NEURL1: variants seen among roughly 807,000 people sequenced by gnomAD.
NEURL1 encodes neuralized E3 ubiquitin protein ligase 1.
Under a neutral mutation model 41.2 loss-of-function variants are expected in NEURL1, and 26 were observed. That is an observed-to-expected ratio of 0.63 (90% CI 0.46 to 0.87). The LOEUF is 0.87. Among genes scored for constraint, NEURL1 ranks in the 40% least tolerant of loss-of-function variants. The pLI is 0.00. For missense variants in NEURL1, 761 were observed against 871.1 expected, an observed-to-expected ratio of 0.87 and a Z score of 1.59; for synonymous variants, 400 against 402.3, an observed-to-expected ratio of 0.99 and a Z score of 0.07.
At chr10:103,590,073 C>T (rs1180646643) in intron 5 of NEURL1, 61 bp from the exon 6 acceptor site, 2 of 1,522,574 alleles carry the variant, frequency 1.3e-6, no homozygotes, top group East Asian at 4.5e-5. Context: ...AGCTCTCTTC[C>T]CGTGAATCCA....
At chr10:103,582,020 G>A (rs2035792349) in intron 3 of NEURL1, among the ~76,000 whole-genome samples, 1 of 152,194 alleles carries the variant, frequency 6.6e-6, no homozygotes, top group South Asian at 2.1e-4. Context: ...GACCAGGATA[G>A]CTTGCATCCA....
intron 1 of NEURL1, among the ~76,000 whole-genome samples, chr10:103,533,703 A>G (rs556878448): frequency 2.4e-4 from 37 of 152,032 alleles, no homozygotes; most frequent in African/African-American, 8.9e-4. Flanking sequence ...CACCCGGCTA[A>G]TTTTTTGTAT....
At chr10:103,585,474 A>G (rs998888917) in intron 4 of NEURL1, among the ~76,000 whole-genome samples, 2 of 152,206 alleles carry the variant, frequency 1.3e-5, no homozygotes, top group Non-Finnish European at 2.9e-5. Flanking sequence ...GCCCAGAATC[A>G]GATCAACCCA....
intron 1 of NEURL1, among the ~76,000 whole-genome samples, chr10:103,533,816 T>C (rs567378911): frequency 1.3e-4 from 19 of 151,814 alleles, no homozygotes; most frequent in African/African-American, 4.4e-4. Flanking sequence ...GATTACAGGC[T>C]TGAGCCACCG....
At chr10:103,573,469 G>A (rs968135883) in intron 3 of NEURL1, among the ~76,000 whole-genome samples, 1 of 152,154 alleles carries the variant, frequency 6.6e-6, no homozygotes, top group African/African-American at 2.4e-5. Flanking sequence ...ACAGTAGGGG[G>A]TCAGTGGCTG....
At chr10:103,520,869 T>C (rs553860117) in intron 1 of NEURL1, among the ~76,000 whole-genome samples, 1 of 152,098 alleles carries the variant, frequency 6.6e-6, no homozygotes, top group Non-Finnish European at 1.5e-5. Flanking sequence ...GGATTTGTCT[T>C]ATAGAATGAT....
chr10:103,499,923 C>T (rs897235552), intron 1 of NEURL1, among the ~76,000 whole-genome samples: 6 of 152,224 alleles, frequency 3.9e-5, no homozygotes, highest in Non-Finnish European at 7.3e-5. Flanking sequence ...TACCCTTCCC[C>T]GCTTCAGTCA....
chr10:103,539,127 T>A (rs2034764938), intron 1 of NEURL1, among the ~76,000 whole-genome samples: 1 of 151,712 alleles, frequency 6.6e-6, no homozygotes, highest in Admixed American at 6.6e-5. Context: ...TTGAGCTTTT[T>A]GTAGAGACAG....
chr10:103,532,239 T>A lies in NEURL1; in HGVS notation c.85+37767T>A, dbSNP rs191711864. ...TTGCCCCTGTCAATTCATTAATTGTTTTCTGATTGTTTTGTGTATCCTTTC... is the reference window on the plus strand; with the variant it reads ...TTGCCCCTGTCAATTCATTAATTGTATTCTGATTGTTTTGTGTATCCTTTC... On this transcript the variant is annotated intron_variant, in intron 1 of 5. Coordinates refer to ENST00000369780, the MANE Select transcript of NEURL1 (RefSeq NM_004210.5). 2.4e-3 allele frequency among the ~76,000 whole-genome samples: 373 copies of A among 152,328 alleles called. 6 individuals are homozygous for A. Among genetic ancestry groups the A allele is most frequent in the Non-Finnish European group, 4.0e-4 (27 of 68,022 alleles).
intron 3 of NEURL1, among the ~76,000 whole-genome samples, chr10:103,573,635 C>T (rs2035595120): frequency 6.6e-6 from 1 of 152,086 alleles, no homozygotes; most frequent in Admixed American, 6.5e-5. Context: ...TCTGCCTGAG[C>T]CTCAGGCTTC....
chr10:103,496,433 C>A (rs1417501209), intron 1 of NEURL1, among the ~76,000 whole-genome samples: 5 of 152,146 alleles, frequency 3.3e-5, no homozygotes, highest in South Asian at 4.1e-4. Flanking sequence ...ATGCAAAAAA[C>A]CCCAACAAAA....
chr10:103,519,222 A>G (rs544008899), intron 1 of NEURL1, among the ~76,000 whole-genome samples: 1 of 152,268 alleles, frequency 6.6e-6, no homozygotes, highest in Non-Finnish European at 1.5e-5. Flanking sequence ...ACTCCAGCCT[A>G]GGCAACAGAG....
chr10:103,589,324 CTT>C (rs1259609610), intron 4 of NEURL1, among the ~76,000 whole-genome samples, 188 bp from the exon 5 acceptor site: 2 of 152,220 alleles, frequency 1.3e-5, no homozygotes, highest in East Asian at 3.8e-4. Context: ...GGGTCAAAGT[CTT>C]TAGCTGATTA....
At position 103,494,455 on chromosome 10, in the gene NEURL1, A is replaced by AC; in HGVS notation, c.73dup (p.Gln25ProfsTer112). The AC allele has an allele frequency of 6.3e-7, 1 of 1,589,406 alleles. No individual in the cohort carries two copies. Among genetic ancestry groups the AC allele is most frequent in the Non-Finnish European group, 8.6e-7 (1 of 1,168,264 alleles). ...AACCCGAGCCGCGCGCCGCGGGGCC[A>AC]CCCCCAGAACCTCAAAGGTAGGCTC... On this transcript the variant is annotated frameshift_variant, in exon 1 of 6. Coordinates refer to ENST00000369780, the MANE Select transcript of NEURL1 (RefSeq NM_004210.5). LOFTEE classifies it high-confidence loss of function.
intron 1 of NEURL1, among the ~76,000 whole-genome samples, chr10:103,561,262 CT>C (rs767348574): frequency 0.03 from 4,202 of 141,570 alleles, 49 homozygotes; most frequent in Middle Eastern, 0.036. Flanking sequence ...CTCTGTATTC[CT>C]TTTTTTTTTT....
At chr10:103,559,870 A>C (rs1485113443) in intron 1 of NEURL1, among the ~76,000 whole-genome samples, 1 of 152,030 alleles carries the variant, frequency 6.6e-6, no homozygotes, top group African/African-American at 2.4e-5. Flanking sequence ...GTACATGTAC[A>C]CATACGCACA....
Position 103,571,723 on chromosome 10 carries a change from G to A in NEURL1, c.550G>A (p.Asp184Asn), listed in dbSNP as rs768020626. ...KKGRVFHRIN[D>N]SAVMLFFSGV... ...GGGCCGTGTCTTCCACCGCATCAAC[G>A]ACTCGGCTGTTATGCTGTTCTTCAG... The change falls in exon 3 of 6, where the codon GAC becomes AAC. Residue 184 changes from aspartate (D) to asparagine (N), a missense_variant. This residue lies in a region of NEURL1 where 114 missense variants were observed against 144.8 expected (regional missense o/e 0.79). Coordinates refer to ENST00000369780, the MANE Select transcript of NEURL1 (RefSeq NM_004210.5). The A allele has an allele frequency of 3.7e-6, 6 of 1,614,100 alleles. No individual in the cohort carries two copies. The highest frequency in any genetic ancestry group is 4.5e-5 in the East Asian group (2 of 44,896).
intron 1 of NEURL1, among the ~76,000 whole-genome samples, chr10:103,557,511 C>T (rs2035182537): frequency 6.6e-6 from 1 of 152,176 alleles, no homozygotes; most frequent in South Asian, 2.1e-4. Context: ...GCCTTGACCT[C>T]CACCCTTTTG....
chr10:103,551,643 G>C (rs2035033996), intron 1 of NEURL1, among the ~76,000 whole-genome samples: 1 of 152,188 alleles, frequency 6.6e-6, no homozygotes, highest in African/African-American at 2.4e-5. Flanking sequence ...GAATAAAACA[G>C]AGAAGGGGTG....
Sources: gnomAD v4.1 joint callset for allele counts (sites outside exome capture counted in the v4.1 genomes callset) on GRCh38, gnomAD v4.1.1 for gene constraint, gnomAD v4.1.1 regional missense constraint, MANE v1.5 for transcripts, NCBI Gene and HGNC (gene_info 2026-07-23, HGNC 2026-07-21) for gene names.